SLC7A14: variants seen among roughly 807,000 people sequenced by gnomAD.
The protein encoded by SLC7A14 is solute carrier family 7 member 14, also known as gamma-aminobutyric acid transporter SLC7A14.
Under a neutral mutation model 60.2 loss-of-function variants are expected in SLC7A14, and 37 were observed. The observed-to-expected ratio is 0.61, with a 90% CI of 0.47 to 0.81. The LOEUF is 0.81. Among genes scored for constraint, SLC7A14 ranks in the 30% least tolerant of loss-of-function variants. SLC7A14 has a pLI of 0.00. For synonymous variants in SLC7A14, 399 were observed against 395.8 expected (o/e 1.01, Z -0.10); for missense variants, 886 against 982.7 (o/e 0.90, Z 1.32).
intron 4 of SLC7A14, among the ~76,000 whole-genome samples, chr3:170,493,660 T>A (rs1712293101): frequency 6.6e-6 from 1 of 152,210 alleles, no homozygotes; most frequent in East Asian, 1.9e-4. Context: ...ATTACCTTGG[T>A]GTATGACATG....
At chr3:170,540,266 TG>T (rs1713979304) in intron 1 of SLC7A14, among the ~76,000 whole-genome samples, 1 of 152,152 alleles carries the variant, frequency 6.6e-6, no homozygotes, top group African/African-American at 2.4e-5. Context: ...AAAGCAACAT[TG>T]TGAATAAGGG....
In SLC7A14 at chr3:170,555,856, A is replaced by G. The variant is rs141655177; in HGVS notation, c.-152-28768T>C. Among the ~76,000 whole-genome samples, 623 of 152,332 alleles carry G rather than the reference A, an allele frequency of 4.1e-3. 5 individuals carry two copies. The highest frequency in any genetic ancestry group is 0.014 in the African/African-American group (601 of 41,562). On this transcript the variant is annotated intron_variant, in intron 1 of 7. Transcript: ENST00000231706. Reference sequence around the variant, plus strand: ...TAATTATCCATGTTGATATTGTTAGACATTTAGTTTTCTATCAAATTTTTC... The same window carrying G: ...TAATTATCCATGTTGATATTGTTAGGCATTTAGTTTTCTATCAAATTTTTC...
chr3:170,517,924 C>A (rs542112888), intron 2 of SLC7A14, among the ~76,000 whole-genome samples: 1 of 152,184 alleles, frequency 6.6e-6, no homozygotes. Context: ...CTTTTAGACC[C>A]AATCAATGGG....
intron 4 of SLC7A14, among the ~76,000 whole-genome samples, chr3:170,487,555 G>C (rs975268349): frequency 6.6e-6 from 1 of 152,096 alleles, no homozygotes; most frequent in East Asian, 1.9e-4. Context: ...GCTGACACTT[G>C]TCCAAAATTG....
intron 7 of SLC7A14, among the ~76,000 whole-genome samples, chr3:170,471,090 G>GGTGTGTGTGTGTGTGTGTGTGTGT (rs113891859): frequency 2.4e-3 from 349 of 146,440 alleles, no homozygotes; most frequent in African/African-American, 8.4e-3. Context: ...TCTGGGAAGG[G>GGTGTGTGTGTGTGTGTGTGTGTGT]GTGTGTGTGT....
rs1713805694 is a variant in SLC7A14, at chr3:170,535,301, A to G, written c.-152-8213T>C. Among the ~76,000 whole-genome samples, 1 of 152,130 alleles carries G rather than the reference A, an allele frequency of 6.6e-6. No individual in the cohort carries two copies. The highest frequency in any genetic ancestry group is 2.4e-5 in the African/African-American group (1 of 41,436). On this transcript the variant is annotated intron_variant, in intron 1 of 7. Transcript: ENST00000231706. The surrounding 1 kb of genome is among the most constrained non-coding windows in gnomAD (Gnocchi z 4.3). ...AAAAACTCTTCATTAATCAGATATT[A>G]CTGGGAAACCTCTCTGTTAGAAGGG...
intron 4 of SLC7A14, among the ~76,000 whole-genome samples, chr3:170,488,258 G>T (rs1259350630): frequency 1.3e-5 from 2 of 152,150 alleles, no homozygotes. Context: ...AAGTCAGGTA[G>T]AAAGAACTTC....
At chr3:170,486,096 A>C in intron 5 of SLC7A14, 126 bp downstream of exon 5, 2 of 1,210,882 alleles carry the variant, frequency 1.7e-6, no homozygotes, top group Non-Finnish European at 2.3e-6. Flanking sequence ...GGAGTGGGGA[A>C]TGGGGCTACA....
At chr3:170,555,361 G>A (rs547860940) in intron 1 of SLC7A14, among the ~76,000 whole-genome samples, 5 of 151,960 alleles carry the variant, frequency 3.3e-5, no homozygotes, top group African/African-American at 9.7e-5. Context: ...TGTTCAATCT[G>A]TATATACAAT....
chr3:170,529,264 ATG>A (rs770421367), intron 1 of SLC7A14, among the ~76,000 whole-genome samples: 4 of 152,170 alleles, frequency 2.6e-5, no homozygotes, highest in Admixed American at 2.0e-4. Context: ...ACATATATAT[ATG>A]TGTGTGTGTT....
At chr3:170,496,792 C>T (rs1171850153) in intron 4 of SLC7A14, among the ~76,000 whole-genome samples, 2 of 152,218 alleles carry the variant, frequency 1.3e-5, no homozygotes, top group East Asian at 1.9e-4. Context: ...CTCATTCAGC[C>T]GCACCGGCTC....
At chr3:170,541,735 G>A (rs1420522561) in intron 1 of SLC7A14, among the ~76,000 whole-genome samples, 2 of 152,206 alleles carry the variant, frequency 1.3e-5, no homozygotes, top group African/African-American at 2.4e-5. Flanking sequence ...TCTATGAGTG[G>A]TGGGATTAGG....
Position 170,480,677 on chromosome 3 carries a change from C to G in SLC7A14, c.1605G>C (p.Lys535Asn). The G allele has an allele frequency of 3.1e-6, 5 of 1,614,252 alleles. No homozygotes were observed. Among genetic ancestry groups the G allele is most frequent in the Middle Eastern group, 1.6e-4 (1 of 6,062 alleles). The change falls in exon 7 of 8, where the codon AAG becomes AAC. Residue 535 changes from lysine to asparagine, a missense_variant. Lys to Asn is a moderately conservative substitution (Grantham distance 94). Coordinates refer to ENST00000231706, the MANE Select transcript of SLC7A14 (RefSeq NM_020949.3). The part of the protein sequence containing the change: ...SENIYLIKLK[K>N]LIGPHYYTMR... ...TGGTGTAATAATGAGGCCCAATCAGCTTCTTTAACTTGATGAGATAAATAT... is the reference window on the plus strand; with the variant it reads ...TGGTGTAATAATGAGGCCCAATCAGGTTCTTTAACTTGATGAGATAAATAT...
chr3:170,520,271 T>C (rs1417609133), intron 2 of SLC7A14, among the ~76,000 whole-genome samples: 1 of 152,204 alleles, frequency 6.6e-6, no homozygotes, highest in Admixed American at 6.5e-5. Flanking sequence ...TTGTCACATA[T>C]GGTTTTTGTG....
At chr3:170,552,779 T>G (rs777304387) in intron 1 of SLC7A14, among the ~76,000 whole-genome samples, 1 of 152,234 alleles carries the variant, frequency 6.6e-6, no homozygotes, top group African/African-American at 2.4e-5. Context: ...ATGTCCCACA[T>G]GGTTAAAATA....
At chr3:170,528,092 G>A (rs996208045) in intron 1 of SLC7A14, among the ~76,000 whole-genome samples, 19 of 152,136 alleles carry the variant, frequency 1.2e-4, no homozygotes, top group African/African-American at 4.1e-4. Flanking sequence ...GCACGTTTGC[G>A]GTGATTTTTC....
At chr3:170,571,903 A>G (rs1389007230) in intron 1 of SLC7A14, among the ~76,000 whole-genome samples, 1 of 151,930 alleles carries the variant, frequency 6.6e-6, no homozygotes, top group East Asian at 1.9e-4. Context: ...TACTAAAAAT[A>G]CAAAAAAACT....
intron 2 of SLC7A14, among the ~76,000 whole-genome samples, chr3:170,510,401 T>A (rs59965532): frequency 0.53 from 64,630 of 121,746 alleles, 17,145 homozygotes; most frequent in Non-Finnish European, 0.57. Flanking sequence ...AAAAAAAAAA[T>A]AAATAAATAA....
chr3:170,580,338 A>G (rs940408143), intron 1 of SLC7A14, among the ~76,000 whole-genome samples: 1 of 152,256 alleles, frequency 6.6e-6, no homozygotes, highest in Admixed American at 6.5e-5. Flanking sequence ...TTTAAGCTAC[A>G]GACAGAGAAG....
Sources: gnomAD v4.1 joint callset for allele counts (sites outside exome capture counted in the v4.1 genomes callset) on GRCh38, gnomAD v4.1.1 for gene constraint, Gnocchi (gnomAD v3.1) non-coding constraint, MANE v1.5 for transcripts, NCBI Gene and HGNC (gene_info 2026-07-23, HGNC 2026-07-21) for gene names.